INPP5A: variants seen among roughly 807,000 people sequenced by gnomAD.
INPP5A encodes the protein inositol polyphosphate-5-phosphatase A, also known as 43 kDa inositol polyphosphate 5-phophatase.
A neutral mutation model predicts 65.2 loss-of-function variants in INPP5A; 14 were observed. The ratio of observed to expected loss-of-function variants is 0.21; its 90% CI spans 0.14 to 0.34. INPP5A has a LOEUF of 0.34. Ranked by LOEUF, INPP5A falls within the 10% of genes least tolerant of loss-of-function variation. The probability of loss-of-function intolerance (pLI) is 1.00; values close to 1 mark genes in which losing one functional copy is unlikely to be tolerated. For synonymous variants in INPP5A, 207 were observed against 208.3 expected (o/e 0.99, Z 0.05); for missense variants, 431 against 545.6 (o/e 0.79, Z 2.09).
intron 5 of INPP5A, among the ~76,000 whole-genome samples, chr10:132,691,302 A>G (rs1318100121): frequency 6.6e-6 from 1 of 152,192 alleles, no homozygotes; most frequent in African/African-American, 2.4e-5. Flanking sequence ...ATCCTTCCAA[A>G]TTATAGCATC....
intron 4 of INPP5A, among the ~76,000 whole-genome samples, chr10:132,687,940 T>G (rs1322482723): frequency 6.6e-6 from 1 of 152,204 alleles, no homozygotes; most frequent in Non-Finnish European, 1.5e-5. Flanking sequence ...CTCCTTGAAG[T>G]GTGTTCTGTC....
chr10:132,554,083 C>T (rs1202040017), intron 1 of INPP5A, among the ~76,000 whole-genome samples: 2 of 151,974 alleles, frequency 1.3e-5, no homozygotes, highest in Non-Finnish European at 2.9e-5. Flanking sequence ...TGAACACCTT[C>T]TCAGAGCCTT....
At chr10:132,556,028 G>A (rs1443598361) in intron 1 of INPP5A, among the ~76,000 whole-genome samples, 4 of 152,052 alleles carry the variant, frequency 2.6e-5, no homozygotes, top group African/African-American at 4.8e-5. Context: ...CTGGTGTCTC[G>A]GGGGGCTGCC....
At chr10:132,719,051 G>A (rs1486833870) in intron 8 of INPP5A, among the ~76,000 whole-genome samples, 3 of 146,320 alleles carry the variant, frequency 2.1e-5, no homozygotes, top group Non-Finnish European at 4.5e-5. Flanking sequence ...GTTCTGTCTG[G>A]GCGCCTTAGA....
chr10:132,577,464 C>T (rs777683564), intron 1 of INPP5A, among the ~76,000 whole-genome samples: 37 of 152,210 alleles, frequency 2.4e-4, no homozygotes, highest in Non-Finnish European at 3.2e-4. Flanking sequence ...TGCCCGGCCC[C>T]GGGCCAGGGA....
At chr10:132,718,911 G>A (rs371786522) in intron 8 of INPP5A, among the ~76,000 whole-genome samples, 7 of 146,516 alleles carry the variant, frequency 4.8e-5, no homozygotes, top group South Asian at 2.2e-4. Context: ...GCCTTAGACG[G>A]CTGTCTTGCG....
chr10:132,606,633 G>A (rs988766218), intron 1 of INPP5A, among the ~76,000 whole-genome samples: 3 of 152,202 alleles, frequency 2.0e-5, no homozygotes, highest in African/African-American at 4.8e-5. Flanking sequence ...TCTTAGACCC[G>A]TCAGCAAGTG....
At position 132,551,072 on chromosome 10, in the gene INPP5A, T is replaced by C. The variant is rs532966033; in HGVS notation, c.75+12901T>C. Among the ~76,000 whole-genome samples, 1 of 152,342 alleles carries C rather than the reference T, an allele frequency of 6.6e-6. No individual in the cohort carries two copies. The highest frequency in any genetic ancestry group is 2.4e-5 in the African/African-American group (1 of 41,580). On this transcript the variant is annotated intron_variant, in intron 1 of 15. Coordinates refer to ENST00000368594, the MANE Select transcript of INPP5A (RefSeq NM_005539.5). The surrounding 1 kb of genome is among the most constrained non-coding windows in gnomAD (Gnocchi z 5.3). ...CCACACGCTGCTTGGTCCAGGTTCC[T>C]GCCTGAGCCCACTGAGCAGATGATG...
Position 132,627,377 on chromosome 10 carries a change from C to G in INPP5A, c.118-18491C>G, listed in dbSNP as rs2133368352. The stretch of plus-strand genomic sequence containing the variant: ...AGCTGCTGCTGGCTCCACACCTGTC[C>G]TGAGAGGGTCTGTCCTGGCCGCTGA... On this transcript the variant is annotated intron_variant, in intron 2 of 15. Transcript: ENST00000368594. The surrounding 1 kb of genome is among the most constrained non-coding windows in gnomAD (Gnocchi z 6.6). Among the ~76,000 whole-genome samples the G allele has an allele frequency of 1.3e-5, 2 of 152,226 alleles. No individual in the cohort carries two copies. Among genetic ancestry groups the G allele is most frequent in the Middle Eastern group, 6.8e-3 (2 of 294 alleles).
chr10:132,629,251 A>T (rs893052080), intron 2 of INPP5A, among the ~76,000 whole-genome samples: 3 of 152,136 alleles, frequency 2.0e-5, no homozygotes, highest in African/African-American at 7.2e-5. Flanking sequence ...CTCTGACCCC[A>T]GCCCTCCCCT....
chr10:132,553,708 G>A (rs1416560580), intron 1 of INPP5A, among the ~76,000 whole-genome samples: 4 of 135,148 alleles, frequency 3.0e-5, no homozygotes, highest in African/African-American at 8.4e-5. Flanking sequence ...AATATTGAGT[G>A]GGATAGGGAG....
Position 132,627,785 on chromosome 10 carries a change from C to T in INPP5A, c.118-18083C>T, listed in dbSNP as rs1480612055. 6.6e-6 allele frequency among the ~76,000 whole-genome samples: 1 copy of T among 152,156 alleles called. No individual in the cohort carries two copies. Among genetic ancestry groups the T allele is most frequent in the South Asian group, 2.1e-4 (1 of 4,820 alleles). Reference sequence around the variant, plus strand: ...TGAAAAGCTTCAGACTTTCTTCATCCTCAGGGTAACGGCAGCCACGGACAG... The same window carrying T: ...TGAAAAGCTTCAGACTTTCTTCATCTTCAGGGTAACGGCAGCCACGGACAG... On this transcript the variant is annotated intron_variant, in intron 2 of 15. Coordinates refer to ENST00000368594, the MANE Select transcript of INPP5A (RefSeq NM_005539.5). This position sits in a 1 kb window ranked among gnomAD's most constrained non-coding sequence, Gnocchi z 6.6.
At chr10:132,708,510 C>T (rs767387282) in intron 7 of INPP5A, 145 bp downstream of exon 7, 2 of 820,474 alleles carry the variant, frequency 2.4e-6, no homozygotes, top group Non-Finnish European at 2.2e-6. Flanking sequence ...ACCTGCCACT[C>T]TGACCCTTTT....
chr10:132,596,435 T>C (rs556317135), intron 1 of INPP5A, among the ~76,000 whole-genome samples: 1 of 142,758 alleles, frequency 7.0e-6, no homozygotes, highest in East Asian at 2.0e-4. Context: ...TTTTGTTTTG[T>C]TTTTTTTTTT....
chr10:132,749,355 T>C (rs1005112399), intron 9 of INPP5A, among the ~76,000 whole-genome samples, 162 bp from the exon 10 acceptor site: 3 of 151,780 alleles, frequency 2.0e-5, no homozygotes, highest in African/African-American at 4.8e-5. Context: ...GAGGGTCGGC[T>C]GTTGCGGGAG....
At chr10:132,693,316 A>G (rs552399054) in intron 5 of INPP5A, among the ~76,000 whole-genome samples, 2 of 152,352 alleles carry the variant, frequency 1.3e-5, no homozygotes, top group African/African-American at 2.4e-5. Context: ...TATTACTCCA[A>G]CTATATCAAC....
At chr10:132,733,137 G>A (rs1564989613) in intron 9 of INPP5A, among the ~76,000 whole-genome samples, 1 of 152,150 alleles carries the variant, frequency 6.6e-6, no homozygotes, top group Non-Finnish European at 1.5e-5. Flanking sequence ...TCCTCATGTG[G>A]CCTTTTCTTG....
rs2072969734 is a variant in INPP5A, at chr10:132,676,772, CCCCACTGACTGCTGGCTCTCACCTGCT to C, written c.307-13617_307-13591del. Among the ~76,000 whole-genome samples the C allele has an allele frequency of 6.6e-6, 1 of 152,194 alleles. No homozygotes were observed. Among genetic ancestry groups the C allele is most frequent in the Non-Finnish European group, 1.5e-5 (1 of 68,022 alleles). On this transcript the variant is annotated intron_variant, in intron 4 of 15. Coordinates refer to ENST00000368594, the MANE Select transcript of INPP5A (RefSeq NM_005539.5). The surrounding 1 kb of genome is among the most constrained non-coding windows in gnomAD (Gnocchi z 4.0). Reference sequence around the variant, plus strand: ...CTCCTGTTTCCCCCGTGGCTCCTTGCCCCACTGACTGCTGGCTCTCACCTGCTCCTGTCTCTCCACAGTAGTAGCCTC... The same window carrying C: ...CTCCTGTTTCCCCCGTGGCTCCTTGCCCTGTCTCTCCACAGTAGTAGCCTC...
In INPP5A at chr10:132,727,010, C is replaced by T. The variant is rs561698768; in HGVS notation, c.732+105C>T. 1.0e-5 allele frequency: 7 copies of T among 686,170 alleles called. No individual in the cohort carries two copies. The East Asian group carries it at 1.7e-4, about 16-fold the overall frequency. The allele number at this position is 686,170 out of a possible 1,614,324, so 42.5% of individuals were successfully genotyped here. A position where few individuals can be genotyped will look rare whatever the true frequency, so the allele number is the denominator to read the frequency against. ...TACTGGCACTTTCAATGCCATCCGCCTCCCGGGATGCACTTTTTAAGGCAA... is the reference window on the plus strand; with the variant it reads ...TACTGGCACTTTCAATGCCATCCGCTTCCCGGGATGCACTTTTTAAGGCAA... On this transcript the variant is annotated intron_variant, in intron 9 of 15. Transcript: ENST00000368594. This position sits in a 1 kb window ranked among gnomAD's most constrained non-coding sequence, Gnocchi z 6.5.
Sources: gnomAD v4.1 joint callset for allele counts (sites outside exome capture counted in the v4.1 genomes callset) on GRCh38, gnomAD v4.1.1 for gene constraint, Gnocchi (gnomAD v3.1) non-coding constraint, MANE v1.5 for transcripts, NCBI Gene and HGNC (gene_info 2026-07-23, HGNC 2026-07-21) for gene names.